The following CSMD1 variants were observed in gnomAD, a reference collection of about 807,000 sequenced individuals.
CSMD1 encodes the protein CUB and Sushi multiple domains 1.
In CSMD1, 213 loss-of-function variants were observed where a neutral mutation model predicts 417.5. That is an observed-to-expected ratio of 0.51 (90% CI 0.46 to 0.57). The LOEUF (loss-of-function observed/expected upper bound fraction) is 0.57. Ranked by LOEUF, CSMD1 falls within the 20% of genes least tolerant of loss-of-function variation. CSMD1 has a pLI of 0.00. For synonymous variants in CSMD1, 2,862 were observed against 1,736.8 expected (o/e 1.65, Z -16.11); for missense variants, 6,923 against 4,529.7 (o/e 1.53, Z -15.17).
At chr8:3,795,750 C>A (rs62637559) in intron 5 of CSMD1, among the ~76,000 whole-genome samples, 1 of 29,702 alleles carries the variant, frequency 3.4e-5, no homozygotes, top group Non-Finnish European at 7.2e-5. Context: ...GCTATAGATA[C>A]CTATCATGTA....
At chr8:4,338,071 T>A (rs1156718562) in intron 3 of CSMD1, among the ~76,000 whole-genome samples, 1 of 152,192 alleles carries the variant, frequency 6.6e-6, no homozygotes, top group Non-Finnish European at 1.5e-5. Flanking sequence ...CATCATACTC[T>A]TTTTAATACA....
At chr8:4,030,250 T>C (rs1797272515) in intron 4 of CSMD1, among the ~76,000 whole-genome samples, 1 of 152,128 alleles carries the variant, frequency 6.6e-6, no homozygotes. Context: ...TGACCCCACA[T>C]TTCCCTCCTG....
chr8:3,095,402 G>C (rs778852360), intron 47 of CSMD1, among the ~76,000 whole-genome samples: 1 of 151,982 alleles, frequency 6.6e-6, no homozygotes, highest in African/African-American at 2.4e-5. Context: ...CTACTCTACA[G>C]ACTAAAGAAA....
At chr8:4,197,822 T>G (rs1012285855) in intron 3 of CSMD1, among the ~76,000 whole-genome samples, 1 of 152,092 alleles carries the variant, frequency 6.6e-6, no homozygotes, top group Non-Finnish European at 1.5e-5. Context: ...GAGGTTGCAG[T>G]GAGCCAAGAT....
At chr8:4,604,940 G>C (rs1049684855) in intron 2 of CSMD1, among the ~76,000 whole-genome samples, 1 of 152,146 alleles carries the variant, frequency 6.6e-6, no homozygotes. Context: ...TTCTTTGCCA[G>C]AGATGTAATT....
At chr8:4,802,193 G>A (rs1407611108) in intron 1 of CSMD1, among the ~76,000 whole-genome samples, 2 of 152,172 alleles carry the variant, frequency 1.3e-5, no homozygotes, top group Admixed American at 6.5e-5. Flanking sequence ...CTATCTATAG[G>A]ATGCTCATTT....
In CSMD1 at chr8:3,880,752, A is replaced by G. The variant is rs79065410; in HGVS notation, c.818+117151T>C. Among the ~76,000 whole-genome samples, 154 of 152,324 alleles carry G rather than the reference A, an allele frequency of 1.0e-3. No homozygotes were observed. The Middle Eastern group carries it at 0.01, about 10-fold the overall frequency. On this transcript the variant is annotated intron_variant, in intron 5 of 69. Transcript: ENST00000635120. ...TATATTAAAATTATATTATACAGCT[A>G]TTATCCAAAATTTGTCTCACGAAAA...
chr8:3,265,429 G>A (rs1454043375), intron 26 of CSMD1, among the ~76,000 whole-genome samples: 1 of 152,128 alleles, frequency 6.6e-6, no homozygotes, highest in African/African-American at 2.4e-5. Flanking sequence ...TAAATGGGTC[G>A]TTATTTACTC....
chr8:4,412,783 G>A (rs556895206), intron 3 of CSMD1, among the ~76,000 whole-genome samples: 1 of 152,078 alleles, frequency 6.6e-6, no homozygotes, highest in Non-Finnish European at 1.5e-5. Flanking sequence ...ATACTGATAT[G>A]ACAGTTTTAT....
chr8:4,576,309 C>A (rs2130677278), intron 2 of CSMD1, among the ~76,000 whole-genome samples: 1 of 152,338 alleles, frequency 6.6e-6, no homozygotes. Flanking sequence ...GTTCTCCTCT[C>A]ATTCTTTTCT....
intron 2 of CSMD1, among the ~76,000 whole-genome samples, chr8:4,430,086 G>A (rs1360035932): frequency 6.6e-6 from 1 of 152,196 alleles, no homozygotes; most frequent in Non-Finnish European, 1.5e-5. Flanking sequence ...AAAACTTAAT[G>A]TTTAAATCCC....
intron 7 of CSMD1, among the ~76,000 whole-genome samples, chr8:3,687,351 T>C (rs757120081): frequency 6.6e-6 from 1 of 152,188 alleles, no homozygotes; most frequent in Non-Finnish European, 1.5e-5. Context: ...GCTGACTCTG[T>C]CCCCTTTCTA....
intron 52 of CSMD1, among the ~76,000 whole-genome samples, chr8:3,001,796 G>T (rs1435995615): frequency 6.6e-6 from 1 of 152,146 alleles, no homozygotes; most frequent in Non-Finnish European, 1.5e-5. Flanking sequence ...CCCCAACAGG[G>T]AACACAACCA....
intron 3 of CSMD1, among the ~76,000 whole-genome samples, chr8:4,091,062 G>A (rs1320792202): frequency 2.0e-5 from 3 of 151,846 alleles, no homozygotes; most frequent in African/African-American, 4.8e-5. Context: ...GGGTCTACAG[G>A]CACCCACCAC....
At chr8:4,446,765 G>C (rs866337727) in intron 2 of CSMD1, among the ~76,000 whole-genome samples, 1,099 of 94,370 alleles carry the variant, frequency 0.012, 9 homozygotes, top group African/African-American at 0.036. Flanking sequence ...CTGTGTGTGT[G>C]TGTGTGTGTG....
At chr8:3,040,946 T>C (rs1399687888) in intron 50 of CSMD1, among the ~76,000 whole-genome samples, 1 of 152,226 alleles carries the variant, frequency 6.6e-6, no homozygotes, top group Non-Finnish European at 1.5e-5. Flanking sequence ...TTAAAACGTG[T>C]TGAATGTTTC....
chr8:3,429,834 A>G (rs563818339), intron 12 of CSMD1, among the ~76,000 whole-genome samples: 2 of 152,202 alleles, frequency 1.3e-5, no homozygotes, highest in Non-Finnish European at 2.9e-5. Context: ...CCTCCCCCAC[A>G]AAAATACATC....
At chr8:4,906,149 G>T (rs576460738) in intron 1 of CSMD1, among the ~76,000 whole-genome samples, 3 of 152,106 alleles carry the variant, frequency 2.0e-5, no homozygotes, top group Admixed American at 6.5e-5. Flanking sequence ...TGCACTCTTC[G>T]CTTCAAAGGA....
At chr8:4,096,443 G>A (rs530891729) in intron 3 of CSMD1, among the ~76,000 whole-genome samples, 23 of 152,054 alleles carry the variant, frequency 1.5e-4, no homozygotes, top group Admixed American at 6.5e-4. Context: ...CAAACCAGAT[G>A]ATCCCCATCT....
Sources: gnomAD v4.1 joint callset for allele counts (sites outside exome capture counted in the v4.1 genomes callset) on GRCh38, gnomAD v4.1.1 for gene constraint, MANE v1.5 for transcripts, NCBI Gene and HGNC (gene_info 2026-07-23, HGNC 2026-07-21) for gene names.